Variants in ACACB observed in about 807,000 individuals in gnomAD.
ACACB encodes the protein acetyl-CoA carboxylase 2.
Under a neutral mutation model 278.8 loss-of-function variants are expected in ACACB, and 209 were observed. The ratio of observed to expected loss-of-function variants is 0.75; its 90% CI spans 0.67 to 0.84. The LOEUF (loss-of-function observed/expected upper bound fraction) is 0.84. Ranked by LOEUF, ACACB falls within the 40% of genes least tolerant of loss-of-function variation. ACACB has a pLI of 0.00. For synonymous variants in ACACB, 1,174 were observed against 1,285.6 expected (o/e 0.91, Z 1.86); for missense variants, 2,850 against 3,269.0 (o/e 0.87, Z 3.13).
At chr12:109,120,031 C>A (rs1439480236) in intron 1 of ACACB, among the ~76,000 whole-genome samples, 3 of 152,182 alleles carry the variant, frequency 2.0e-5, no homozygotes, top group African/African-American at 4.8e-5. Flanking sequence ...TATTTAGAAG[C>A]AAATCAGCTG....
chr12:109,221,022 C>T (rs1383657783), intron 24 of ACACB, among the ~76,000 whole-genome samples: 1 of 152,192 alleles, frequency 6.6e-6, no homozygotes, highest in African/African-American at 2.4e-5. Context: ...TGCTGGCCAG[C>T]ACCTGTGCTG....
intron 34 of ACACB, among the ~76,000 whole-genome samples, chr12:109,238,273 G>T (rs1593668623): frequency 6.7e-6 from 1 of 148,520 alleles, no homozygotes; most frequent in East Asian, 2.0e-4. Flanking sequence ...GTCACTTGTG[G>T]ACCTCTTTCA....
chr12:109,147,432 A>G (rs2136061114), intron 2 of ACACB, among the ~76,000 whole-genome samples: 1 of 140,992 alleles, frequency 7.1e-6, no homozygotes, highest in South Asian at 2.2e-4. Context: ...TTTAGTAGAC[A>G]CTGGGTTTCA....
chr12:109,154,616 T>TG (rs1011006481), intron 2 of ACACB: 28 of 8,792 alleles, frequency 3.2e-3, no homozygotes, highest in African/African-American at 0.013. Flanking sequence ...GGGGTCGGTG[T>TG]GGGGGCGGGG....
At chr12:109,264,467 G>A (rs549626537) in intron 50 of ACACB, 81 bp downstream of exon 50, 23 of 1,546,842 alleles carry the variant, frequency 1.5e-5, no homozygotes, top group Middle Eastern at 2.0e-4. Flanking sequence ...GCTCGGGGGC[G>A]GGGAGGGCGG....
At chr12:109,179,550 G>C (rs991468461) in intron 10 of ACACB, among the ~76,000 whole-genome samples, 14 of 152,144 alleles carry the variant, frequency 9.2e-5, no homozygotes, top group Admixed American at 9.2e-4. Flanking sequence ...GCAGTGGTGC[G>C]ATGATAGTTC....
At chr12:109,247,158 G>A (rs992280343) in intron 39 of ACACB, among the ~76,000 whole-genome samples, 5 of 151,538 alleles carry the variant, frequency 3.3e-5, no homozygotes, top group Admixed American at 6.6e-5. Context: ...TGAGGGAAGC[G>A]CACGCATTCT....
At chr12:109,227,620 C>A in intron 28 of ACACB, 131 bp downstream of exon 28, 1 of 814,754 alleles carries the variant, frequency 1.2e-6, no homozygotes. Context: ...TAAGCACTTC[C>A]CCTGTGGGAG....
In ACACB at chr12:109,232,932, A is replaced by G. The variant is rs369726656; in HGVS notation, c.4139+126A>G. Reference sequence around the variant, plus strand: ...CCCAGACACGTGGCACAGCATGTCAATAACAACAGAATAATAATAGCATTG... The same window carrying G: ...CCCAGACACGTGGCACAGCATGTCAGTAACAACAGAATAATAATAGCATTG... On this transcript the variant is annotated intron_variant, in intron 29 of 52. Transcript: ENST00000338432. The G allele has an allele frequency of 2.0e-3, 2,303 of 1,142,320 alleles. 31 individuals are homozygous for G. The highest frequency in any genetic ancestry group is 0.018 in the South Asian group (1,155 of 65,338). 70.8% of individuals were successfully genotyped at this position (1,142,320 alleles called of 1,614,324 possible).
chr12:109,155,601 G>C (rs1456273787), intron 2 of ACACB, among the ~76,000 whole-genome samples: 1 of 149,862 alleles, frequency 6.7e-6, no homozygotes, highest in Non-Finnish European at 1.5e-5. Context: ...TTTTTTTCCG[G>C]TGCAGATATG....
chr12:109,210,274 T>C lies in ACACB; in HGVS notation c.3249+921T>C, dbSNP rs1328063304. On this transcript the variant is annotated intron_variant, in intron 21 of 52. Transcript: ENST00000338432. ...ACACACATGTGTGTATATGTACATA[T>C]ACACACACATATCTGTGTGTATATG... is the stretch of plus-strand genomic sequence containing the variant. Among the ~76,000 whole-genome samples, 5 of 68,570 alleles carry C rather than the reference T, an allele frequency of 7.3e-5. No individual in the cohort carries two copies. The South Asian group carries it at 1.7e-3, about 23-fold the overall frequency. The allele number at this position is 68,570 out of a possible 152,430, so 45.0% of individuals were successfully genotyped here.
intron 39 of ACACB, 39 bp from the exon 40 acceptor site, chr12:109,247,567 G>C: frequency 6.7e-7 from 1 of 1,485,522 alleles, no homozygotes; most frequent in Non-Finnish European, 9.4e-7. Flanking sequence ...TTTCAGTGCA[G>C]GGAACTGGAT....
intron 22 of ACACB, among the ~76,000 whole-genome samples, chr12:109,213,469 G>A (rs533984357): frequency 6.6e-6 from 1 of 152,178 alleles, no homozygotes; most frequent in Admixed American, 6.5e-5. Context: ...ATAAAACACT[G>A]CAAAAATTGT....
At chr12:109,229,587 C>T (rs558958545) in intron 28 of ACACB, among the ~76,000 whole-genome samples, 30 of 151,998 alleles carry the variant, frequency 2.0e-4, no homozygotes, top group East Asian at 1.3e-3. Context: ...TGGAGTGCAA[C>T]GGCGCGATCT....
In ACACB at chr12:109,140,280, T is replaced by TTCCA. The variant is rs1344320808; in HGVS notation, c.653+225_653+226insATCC. 1.0e-4 allele frequency among the ~76,000 whole-genome samples: 4 copies of TTCCA among 39,408 alleles called. 1 individual carries two copies. Among genetic ancestry groups the TTCCA allele is most frequent in the African/African-American group, 2.5e-4 (3 of 12,014 alleles). The allele number at this position is 39,408 out of a possible 152,430, so 25.9% of individuals were successfully genotyped here. A position where few individuals can be genotyped will look rare whatever the true frequency, so the allele number is the denominator to read the frequency against. ...CATCCTTCCTTCCTTCTTTCCTTCC[T>TTCCA]TCCTTCCTTCCTTCCTTCCTTCCTT... is the stretch of plus-strand genomic sequence containing the variant. On this transcript the variant is annotated intron_variant, in intron 2 of 52. Transcript: ENST00000338432.
chr12:109,191,442 G>A, intron 13 of ACACB, 171 bp from the exon 14 acceptor site: 2 of 673,240 alleles, frequency 3.0e-6, no homozygotes, highest in Non-Finnish European at 4.8e-6. Flanking sequence ...TTGAACTCCT[G>A]ACCTCAAGTA....
chr12:109,172,429 TCTC>T (rs1361074924), intron 6 of ACACB, 73 bp downstream of exon 6: 18 of 1,396,676 alleles, frequency 1.3e-5, no homozygotes, highest in African/African-American at 4.2e-5. Flanking sequence ...TGACCCTCTT[TCTC>T]CTCCTGTCCT....
At chr12:109,188,717 T>C (rs1014976627) in intron 13 of ACACB, among the ~76,000 whole-genome samples, 1 of 152,086 alleles carries the variant, frequency 6.6e-6, no homozygotes, top group African/African-American at 2.4e-5. Context: ...TTTTTTCCTT[T>C]ATTGAAGATC....
At chr12:109,201,813 CT>C in intron 19 of ACACB, 112 bp downstream of exon 19, 2 of 1,408,660 alleles carry the variant, frequency 1.4e-6, no homozygotes, top group South Asian at 1.4e-5. Flanking sequence ...CTGCCTCCAC[CT>C]GCAGACAGAG....
Sources: gnomAD v4.1 joint callset for allele counts (sites outside exome capture counted in the v4.1 genomes callset) on GRCh38, gnomAD v4.1.1 for gene constraint, MANE v1.5 for transcripts, NCBI Gene and HGNC (gene_info 2026-07-23, HGNC 2026-07-21) for gene names.